Variants in VTI1A observed in about 807,000 individuals in gnomAD.
VTI1A encodes the protein vesicle transport through interaction with t-SNAREs 1A.
VTI1A carries 22 observed loss-of-function variants against 34.9 expected under a neutral mutation model. The ratio of observed to expected loss-of-function variants is 0.63; its 90% CI spans 0.45 to 0.90. The LOEUF (loss-of-function observed/expected upper bound fraction) is 0.90, where lower values mean the gene tolerates loss of function less well. Among genes scored for constraint, VTI1A ranks in the 40% least tolerant of loss-of-function variants. The pLI is 0.00. For synonymous variants in VTI1A, 87 were observed against 97.3 expected, an observed-to-expected ratio of 0.89 and a Z score of 0.62; for missense variants, 268 against 275.6, an observed-to-expected ratio of 0.97 and a Z score of 0.20.
the VTI1A span, among the ~76,000 whole-genome samples, chr10:112,828,139 A>G: frequency 2.0e-5 from 3 of 152,290 alleles, no homozygotes; most frequent in African/African-American, 2.4e-5. Context: ...GTGACAAACC[A>G]TCACACTCAT....
chr10:112,637,732 A>T (rs1202590854), intron 5 of VTI1A, among the ~76,000 whole-genome samples: 1 of 152,236 alleles, frequency 6.6e-6, no homozygotes, highest in African/African-American at 2.4e-5. Context: ...AGAAATTAAA[A>T]AGTAAAGTAA....
chr10:112,754,451 T>C (rs934213994), intron 7 of VTI1A, among the ~76,000 whole-genome samples: 2 of 152,200 alleles, frequency 1.3e-5, no homozygotes, highest in Admixed American at 6.5e-5. Context: ...CTTTTCTATC[T>C]ACAAAAGTAA....
At chr10:112,610,828 A>G (rs566862724) in intron 5 of VTI1A, among the ~76,000 whole-genome samples, 3 of 152,150 alleles carry the variant, frequency 2.0e-5, no homozygotes, top group African/African-American at 7.2e-5. Context: ...CTGAGGCAGG[A>G]GAATGACGTG....
chr10:112,737,046 G>T, intron 7 of VTI1A: 1 of 441,176 alleles, frequency 2.3e-6, no homozygotes, highest in East Asian at 3.4e-5. Flanking sequence ...CCATTACATA[G>T]TGGACAATTT....
At chr10:112,793,642 G>A (rs1026455443) in intron 7 of VTI1A, among the ~76,000 whole-genome samples, 1 of 152,184 alleles carries the variant, frequency 6.6e-6, no homozygotes, top group East Asian at 1.9e-4. Flanking sequence ...TGCTACAAAC[G>A]CAATTAGATA....
chr10:112,640,161 A>G (rs550831711), intron 5 of VTI1A, among the ~76,000 whole-genome samples: 23 of 152,346 alleles, frequency 1.5e-4, no homozygotes, highest in African/African-American at 5.3e-4. Flanking sequence ...CCATTTAAAA[A>G]TTCAGCATTT....
intron 4 of VTI1A, among the ~76,000 whole-genome samples, chr10:112,531,478 C>CAAAAAAA (rs1407152404): frequency 5.0e-4 from 19 of 37,842 alleles, no homozygotes; most frequent in East Asian, 1.5e-3. Flanking sequence ...CCGGCCTAAG[C>CAAAAAAA]AAAGAAAAAA....
rs138125349 is a variant in VTI1A, at chr10:112,589,408, C to T, written c.427+51078C>T. ...CTGCTATGTGAGACGTGCCTTTCAC[C>T]TTCCACCATGATCGTGGAACTGTAA... On this transcript the variant is annotated intron_variant, in intron 5 of 7. Coordinates refer to ENST00000393077, the MANE Select transcript of VTI1A (RefSeq NM_145206.4). 4.6e-3 allele frequency among the ~76,000 whole-genome samples: 690 copies of T among 151,060 alleles called. 4 individuals carry two copies. Among genetic ancestry groups the T allele is most frequent in the Non-Finnish European group, 7.8e-3 (528 of 67,644 alleles).
chr10:112,526,708 G>T (rs1163405890), intron 3 of VTI1A, among the ~76,000 whole-genome samples: 4 of 143,326 alleles, frequency 2.8e-5, no homozygotes, highest in Non-Finnish European at 6.1e-5. Context: ...CCACAATATT[G>T]AAAAAAAAAA....
At chr10:112,502,288 C>G (rs1490641467) in intron 3 of VTI1A, among the ~76,000 whole-genome samples, 3 of 152,112 alleles carry the variant, frequency 2.0e-5, no homozygotes, top group African/African-American at 7.2e-5. Context: ...CCCACTTTGT[C>G]CTCCCAAAGT....
chr10:112,625,221 G>A (rs1387587847), intron 5 of VTI1A, among the ~76,000 whole-genome samples: 7 of 152,238 alleles, frequency 4.6e-5, no homozygotes, highest in African/African-American at 1.7e-4. Flanking sequence ...AAAGACTGCT[G>A]AAAGCACAGC....
intron 5 of VTI1A, among the ~76,000 whole-genome samples, chr10:112,641,383 G>A (rs1373072295): frequency 6.6e-6 from 1 of 152,162 alleles, no homozygotes; most frequent in Non-Finnish European, 1.5e-5. Context: ...TGCACAATGT[G>A]GAAAGGTTGA....
chr10:112,690,114 T>G (rs1317944112), intron 7 of VTI1A, among the ~76,000 whole-genome samples: 1 of 151,480 alleles, frequency 6.6e-6, no homozygotes, highest in African/African-American at 2.4e-5. Flanking sequence ...TTTTAATTGC[T>G]GAGTAATATT....
At chr10:112,814,726 C>T (rs975917328) in intron 7 of VTI1A, among the ~76,000 whole-genome samples, 3 of 152,172 alleles carry the variant, frequency 2.0e-5, no homozygotes, top group Non-Finnish European at 2.9e-5. Context: ...CCTAGCGTAA[C>T]GGAGCGTGAG....
intron 5 of VTI1A, among the ~76,000 whole-genome samples, chr10:112,663,152 G>A (rs77749250): frequency 9.2e-5 from 14 of 152,294 alleles, no homozygotes; most frequent in African/African-American, 3.4e-4. Flanking sequence ...AGAAATATCA[G>A]ACCAAGCAAT....
intron 7 of VTI1A, among the ~76,000 whole-genome samples, chr10:112,810,084 G>T (rs1853230050): frequency 6.6e-6 from 1 of 151,836 alleles, no homozygotes; most frequent in African/African-American, 2.4e-5. Flanking sequence ...CCAAAGAAAG[G>T]GTGGTTTGAT....
At chr10:112,562,134 A>G (rs754975692) in intron 5 of VTI1A, among the ~76,000 whole-genome samples, 7 of 152,212 alleles carry the variant, frequency 4.6e-5, no homozygotes, top group Non-Finnish European at 8.8e-5. Context: ...CCTTTCCAGT[A>G]CTTGTCATAT....
At chr10:112,508,289 A>C (rs1849498941) in intron 3 of VTI1A, among the ~76,000 whole-genome samples, 1 of 152,142 alleles carries the variant, frequency 6.6e-6, no homozygotes. Context: ...GGTGCTTCTC[A>C]AGCTTATCTA....
chr10:112,696,214 G>A (rs543252616), intron 7 of VTI1A, among the ~76,000 whole-genome samples: 5 of 152,102 alleles, frequency 3.3e-5, no homozygotes, highest in South Asian at 4.2e-4. Context: ...AGTGGAATGT[G>A]TTTGCATGCT....
Sources: allele counts gnomAD v4.1 joint callset (sites outside exome capture counted in the v4.1 genomes callset), GRCh38; gene constraint gnomAD v4.1.1; transcripts MANE v1.5; gene names NCBI Gene and HGNC (gene_info 2026-07-23, HGNC 2026-07-21).